The following HTT-AS variants were observed in gnomAD, a reference collection of about 807,000 sequenced individuals.
HTT-AS encodes HTT antisense RNA.
downstream of HTT-AS, among the ~76,000 whole-genome samples, chr4:3,048,755 T>C (rs1711647831): frequency 6.6e-6 from 1 of 152,214 alleles, no homozygotes. Context: ...GCCTTTACAG[T>C]AGAGTCTGCT....
intron 1 of HTT-AS, among the ~76,000 whole-genome samples, chr4:3,072,497 A>G (rs1712198282): frequency 6.6e-6 from 1 of 152,212 alleles, no homozygotes; most frequent in South Asian, 2.1e-4. Flanking sequence ...GAGGGGTCAT[A>G]CAAGGGTGTC....
chr4:3,068,959 T>C (rs1712111052), intron 1 of HTT-AS, among the ~76,000 whole-genome samples: 1 of 152,158 alleles, frequency 6.6e-6, no homozygotes, highest in African/African-American at 2.4e-5. Context: ...CTGGCCTATG[T>C]GTGTGTTTAT....
chr4:3,065,205 T>C (rs9291159), intron 1 of HTT-AS, among the ~76,000 whole-genome samples: 13,635 of 152,078 alleles, frequency 0.09, 734 homozygotes, highest in African/African-American at 0.13. Flanking sequence ...GAGGGAATAA[T>C]GTTAAAATTA....
chr4:3,071,747 A>G (rs761043964), intron 1 of HTT-AS, among the ~76,000 whole-genome samples: 2 of 152,102 alleles, frequency 1.3e-5, no homozygotes, highest in Non-Finnish European at 2.9e-5. Context: ...GTGGGCCATA[A>G]TCCGACTGAT....
chr4:3,047,087 A>G (rs964723447), downstream of HTT-AS, among the ~76,000 whole-genome samples: 187 of 152,310 alleles, frequency 1.2e-3, 1 homozygote, highest in African/African-American at 4.3e-3. Context: ...CGAGGTGGGC[A>G]GATCATGAGG....
At chr4:3,064,064 T>C (rs1711994465) in intron 1 of HTT-AS, among the ~76,000 whole-genome samples, 1 of 151,260 alleles carries the variant, frequency 6.6e-6, no homozygotes, top group African/African-American at 2.4e-5. Context: ...GTGCTGGCTA[T>C]AACACAGGAA....
chr4:3,071,469 G>A (rs1433486483), intron 1 of HTT-AS, among the ~76,000 whole-genome samples: 20 of 152,196 alleles, frequency 1.3e-4, no homozygotes, highest in Non-Finnish European at 2.9e-4. Context: ...GCATCTCCCT[G>A]GCTAGCACTT....
chr4:3,062,705 C>T (rs1208870461), exon 2 of HTT-AS, among the ~76,000 whole-genome samples: 1 of 151,884 alleles, frequency 6.6e-6, no homozygotes, highest in Non-Finnish European at 1.5e-5. Flanking sequence ...AAGTGCGGTT[C>T]TCTGGACCTC....
chr4:3,061,684 G>GAA (rs71644374), intron 2 of HTT-AS, among the ~76,000 whole-genome samples: 17,771 of 110,714 alleles, frequency 0.16, 1,486 homozygotes, highest in Middle Eastern at 0.26. Context: ...CTCCATCTCA[G>GAA]AAAAAAAAAA....
chr4:3,056,506 A>G (rs547458425), intron 2 of HTT-AS, among the ~76,000 whole-genome samples: 1 of 152,172 alleles, frequency 6.6e-6, no homozygotes, highest in South Asian at 2.1e-4. Flanking sequence ...TTGTCTACCT[A>G]TAAGTTAGGT....
intron 2 of HTT-AS, among the ~76,000 whole-genome samples, chr4:3,061,986 T>TAAA (rs548695397): frequency 5.0e-4 from 32 of 63,418 alleles, no homozygotes; most frequent in South Asian, 6.3e-4. Flanking sequence ...TATCTCAAAT[T>TAAA]AAAAAAAAAA....
At chr4:3,056,238 T>G (rs750606566) in intron 2 of HTT-AS, among the ~76,000 whole-genome samples, 7 of 152,222 alleles carry the variant, frequency 4.6e-5, no homozygotes, top group Admixed American at 1.3e-4. Context: ...AAGCAATGAA[T>G]GATTCGTGAA....
In HTT-AS at chr4:3,067,708, T is replaced by A. The variant is rs1300640385; in HGVS notation, n.114-4008A>T. Among the ~76,000 whole-genome samples, 6 of 152,212 alleles carry A rather than the reference T, an allele frequency of 3.9e-5. No homozygotes were observed. In the South Asian group the frequency reaches 1.2e-3, roughly 32 times the overall value. ...AATGTCTTTGCTGGTGAAAAGAACA[T>A]CCTGACCTTAGAAATCTTTCACCGA... On this transcript the variant is annotated intron_variant and non_coding_transcript_variant, in intron 1 of 2. Coordinates refer to ENST00000664062, the Ensembl canonical transcript of HTT-AS.
chr4:3,052,648 G>T (rs977297624), intron 2 of HTT-AS, among the ~76,000 whole-genome samples: 1 of 152,110 alleles, frequency 6.6e-6, no homozygotes, highest in African/African-American at 2.4e-5. Context: ...TGGCAGTTAT[G>T]GGGCTGACTC....
intron 2 of HTT-AS, among the ~76,000 whole-genome samples, chr4:3,062,012 AAGAG>A (rs1162557909): frequency 3.0e-5 from 4 of 132,012 alleles, no homozygotes; most frequent in African/African-American, 6.2e-5. Flanking sequence ...AAAAAAAAAA[AAGAG>A]AGAGAGAATA....
chr4:3,074,598 C>T, upstream of HTT-AS: 1 of 419,766 alleles, frequency 2.4e-6, no homozygotes, highest in Non-Finnish European at 4.1e-6. Flanking sequence ...GGCTGTCAAT[C>T]ATGCTGGCCG....
At chr4:3,052,266 T>G (rs1281516225) in intron 2 of HTT-AS, among the ~76,000 whole-genome samples, 1 of 152,228 alleles carries the variant, frequency 6.6e-6, no homozygotes, top group Non-Finnish European at 1.5e-5. Context: ...GAGGTTACTT[T>G]CAATAGTTTA....
At chr4:3,065,781 C>T (rs1712036962) in intron 1 of HTT-AS, among the ~76,000 whole-genome samples, 1 of 152,156 alleles carries the variant, frequency 6.6e-6, no homozygotes, top group African/African-American at 2.4e-5. Flanking sequence ...CTGGGAGCTT[C>T]CCAGCTTCAC....
At chr4:3,069,150 G>GA (rs377090138) in intron 1 of HTT-AS, among the ~76,000 whole-genome samples, 8,650 of 144,568 alleles carry the variant, frequency 0.06, 441 homozygotes, top group African/African-American at 0.14. Flanking sequence ...AACGGTGTAT[G>GA]TTTTTTTTTT....
Sources: allele counts gnomAD v4.1 joint callset (sites outside exome capture counted in the v4.1 genomes callset), GRCh38; gene constraint gnomAD v4.1.1; transcripts MANE v1.5; gene names NCBI Gene and HGNC (gene_info 2026-07-23, HGNC 2026-07-21).